The following TTC39B variants were observed in gnomAD, a reference collection of about 807,000 sequenced individuals.
The protein encoded by TTC39B is tetratricopeptide repeat domain 39B.
TTC39B carries 92 observed loss-of-function variants against 96.6 expected under a neutral mutation model. The observed-to-expected ratio is 0.95, with a 90% CI of 0.80 to 1.13. TTC39B has a LOEUF of 1.13. Among genes scored for constraint, TTC39B ranks in the 50% most tolerant of loss-of-function variants. The probability of loss-of-function intolerance (pLI) is 0.00; values close to 1 mark genes in which losing one functional copy is unlikely to be tolerated. For missense variants in TTC39B, 955 were observed against 809.3 expected (o/e 1.18, Z -2.18); for synonymous variants, 367 against 299.4 (o/e 1.23, Z -2.33).
intron 2 of TTC39B, among the ~76,000 whole-genome samples, chr9:15,236,260 C>G (rs894106290): frequency 2.0e-5 from 3 of 152,126 alleles, no homozygotes; most frequent in African/African-American, 7.2e-5. Context: ...TTCAATATAA[C>G]AAGAAGATTT....
chr9:15,177,869 C>A, intron 17 of TTC39B, 55 bp from the exon 18 acceptor site: 420 of 466,184 alleles, frequency 9.0e-4, no homozygotes, highest in Non-Finnish European at 1.3e-3. Context: ...TTTTTAAGAT[C>A]TTTTTTTTTT....
chr9:15,252,896 A>T (rs1822615111), intron 2 of TTC39B, among the ~76,000 whole-genome samples: 1 of 152,248 alleles, frequency 6.6e-6, no homozygotes, highest in Admixed American at 6.5e-5. Context: ...AGAGTTTCTT[A>T]GCTTTTTCTG....
exon 20 of TTC39B, chr9:15,170,269 A>T (rs1817605418): frequency 6.6e-6 from 1 of 152,188 alleles, no homozygotes; most frequent in African/African-American, 2.4e-5. Context: ...ACACTGCTTG[A>T]TACAGGTCCA....
chr9:15,233,870 G>A (rs968938772), intron 2 of TTC39B, among the ~76,000 whole-genome samples: 1 of 151,078 alleles, frequency 6.6e-6, no homozygotes, highest in South Asian at 2.1e-4. Flanking sequence ...TGGAAAGTGA[G>A]GAGCGTCTCT....
intron 2 of TTC39B, among the ~76,000 whole-genome samples, chr9:15,251,218 G>A (rs1210773271): frequency 6.6e-6 from 1 of 151,738 alleles, no homozygotes; most frequent in African/African-American, 2.4e-5. Flanking sequence ...AGTAATACCA[G>A]GTAAAATATT....
exon 4 of TTC39B, chr9:15,214,217 C>A (rs1341767657): frequency 6.2e-7 from 1 of 1,613,930 alleles, no homozygotes; most frequent in South Asian, 1.1e-5. Context: ...TTCTTCGAGG[C>A]CACTCTTGAG....
intron 2 of TTC39B, among the ~76,000 whole-genome samples, chr9:15,254,424 T>C (rs1822673270): frequency 1.3e-5 from 2 of 152,206 alleles, no homozygotes; most frequent in Non-Finnish European, 2.9e-5. Flanking sequence ...AAAACAGCAG[T>C]GCTCTTCAAT....
chr9:15,236,530 T>C (rs1821790415), intron 2 of TTC39B, among the ~76,000 whole-genome samples: 4 of 152,220 alleles, frequency 2.6e-5, no homozygotes. Flanking sequence ...ATTCTTTTCA[T>C]TTGTGCATGG....
At chr9:15,271,385 C>G (rs1241182168) in intron 1 of TTC39B, among the ~76,000 whole-genome samples, 1 of 152,018 alleles carries the variant, frequency 6.6e-6, no homozygotes, top group Non-Finnish European at 1.5e-5. Flanking sequence ...CAGTTCCCAA[C>G]CTTTTTGGCA....
chr9:15,297,713 C>T (rs1563797421), intron 1 of TTC39B, among the ~76,000 whole-genome samples: 1 of 152,176 alleles, frequency 6.6e-6, no homozygotes, highest in Non-Finnish European at 1.5e-5. Context: ...GCCTCCGTCA[C>T]TCTGGGCTTG....
At chr9:15,174,597 A>G (rs1817829672) in intron 19 of TTC39B, among the ~76,000 whole-genome samples, 1 of 152,226 alleles carries the variant, frequency 6.6e-6, no homozygotes, top group African/African-American at 2.4e-5. Context: ...GCAAACTAGG[A>G]CCCAAGGGCC....
chr9:15,198,807 TA>T (rs1564336245), intron 8 of TTC39B, among the ~76,000 whole-genome samples: 1 of 152,048 alleles, frequency 6.6e-6, no homozygotes, highest in Non-Finnish European at 1.5e-5. Context: ...TATTTAAAAA[TA>T]CAATTTAAAT....
chr9:15,242,858 A>G (rs1482966971), intron 2 of TTC39B, among the ~76,000 whole-genome samples: 1 of 152,248 alleles, frequency 6.6e-6, no homozygotes, highest in African/African-American at 2.4e-5. Flanking sequence ...ATCATAAAAT[A>G]AAAATGTTTT....
At chr9:15,255,450 G>A (rs373077792) in intron 2 of TTC39B, among the ~76,000 whole-genome samples, 7 of 152,012 alleles carry the variant, frequency 4.6e-5, no homozygotes, top group South Asian at 2.1e-4. Flanking sequence ...GATGATTTTC[G>A]GAACACAAGC....
chr9:15,196,713 T>G (rs1043224800), intron 8 of TTC39B, among the ~76,000 whole-genome samples: 5 of 152,168 alleles, frequency 3.3e-5, no homozygotes, highest in African/African-American at 1.2e-4. Flanking sequence ...AACAAAGGAT[T>G]TGGAATATTA....
At chr9:15,220,460 A>C (rs1449232160) in intron 3 of TTC39B, among the ~76,000 whole-genome samples, 2 of 152,228 alleles carry the variant, frequency 1.3e-5, no homozygotes, top group African/African-American at 4.8e-5. Context: ...TTGTTTCCTC[A>C]GCTATGAAAA....
chr9:15,189,663 C>T, intron 12 of TTC39B, 30 bp from the exon 13 acceptor site: 3 of 1,613,912 alleles, frequency 1.9e-6, no homozygotes, highest in Non-Finnish European at 2.5e-6. Flanking sequence ...ACACACTGTT[C>T]AACAGTCAAC....
chr9:15,286,005 T>C (rs1351108168), intron 1 of TTC39B, among the ~76,000 whole-genome samples: 1 of 152,206 alleles, frequency 6.6e-6, no homozygotes, highest in Non-Finnish European at 1.5e-5. Flanking sequence ...CCAAACAGTA[T>C]TTTTTTCCTG....
chr9:15,208,789 G>T (rs1266785734), intron 6 of TTC39B, among the ~76,000 whole-genome samples: 6 of 152,144 alleles, frequency 3.9e-5, no homozygotes, highest in Non-Finnish European at 7.3e-5. Flanking sequence ...GATGTGAAAT[G>T]TCTCATAATT....
Sources: allele counts gnomAD v4.1 joint callset (sites outside exome capture counted in the v4.1 genomes callset), GRCh38; gene constraint gnomAD v4.1.1; transcripts MANE v1.5; gene names NCBI Gene and HGNC (gene_info 2026-07-23, HGNC 2026-07-21).